FOXN3: variants seen among roughly 807,000 people sequenced by gnomAD.
FOXN3 encodes the protein forkhead box N3.
A neutral mutation model predicts 38.4 loss-of-function variants in FOXN3; 7 were observed. That is an observed-to-expected ratio of 0.18 (90% confidence interval 0.10 to 0.34). FOXN3 has a LOEUF of 0.34. Ranked by LOEUF, FOXN3 falls within the 10% of genes least tolerant of loss-of-function variation. The pLI is 1.00. For synonymous variants in FOXN3, 230 were observed against 242.2 expected (o/e 0.95, Z 0.47); for missense variants, 456 against 613.4 (o/e 0.74, Z 2.71).
intron 3 of FOXN3, among the ~76,000 whole-genome samples, chr14:89,307,674 T>C (rs551312685): frequency 6.6e-6 from 1 of 152,164 alleles, no homozygotes; most frequent in South Asian, 2.1e-4. Flanking sequence ...CCTCTGCTTA[T>C]TCTTGGGAGA....
intron 1 of FOXN3, among the ~76,000 whole-genome samples, chr14:89,536,116 G>A (rs972048714): frequency 3.9e-5 from 6 of 152,164 alleles, no homozygotes; most frequent in Admixed American, 1.3e-4. Flanking sequence ...TAAAGCCACC[G>A]GCAAGATGTT....
At chr14:89,172,013 T>C (rs192475584) in intron 5 of FOXN3, among the ~76,000 whole-genome samples, 2 of 152,168 alleles carry the variant, frequency 1.3e-5, no homozygotes, top group Admixed American at 1.3e-4. Context: ...GCAAGGTTGC[T>C]GGAAAAAAAT....
At chr14:89,416,498 C>T (rs1596263198) in intron 1 of FOXN3, among the ~76,000 whole-genome samples, 1 of 152,074 alleles carries the variant, frequency 6.6e-6, no homozygotes, top group Non-Finnish European at 1.5e-5. Flanking sequence ...ACAGTTTGGC[C>T]GGGGGGTGAT....
chr14:89,270,200 T>C (rs987405928), intron 4 of FOXN3, among the ~76,000 whole-genome samples: 2 of 152,226 alleles, frequency 1.3e-5, no homozygotes, highest in Non-Finnish European at 2.9e-5. Context: ...ACTCCTTCCA[T>C]GGCCATCCTG....
At chr14:89,374,198 A>C (rs995907491) in intron 2 of FOXN3, among the ~76,000 whole-genome samples, 4 of 128,810 alleles carry the variant, frequency 3.1e-5, no homozygotes, top group African/African-American at 1.1e-4. Flanking sequence ...CAGAATGTCG[A>C]GGCTGCAGTG....
intron 4 of FOXN3, among the ~76,000 whole-genome samples, chr14:89,269,987 AC>A (rs1379381918): frequency 1.3e-5 from 2 of 151,584 alleles, no homozygotes; most frequent in Non-Finnish European, 2.9e-5. Flanking sequence ...CTTTTGGAAA[AC>A]CCTCCATGTC....
At chr14:89,286,357 C>T (rs896776148) in intron 3 of FOXN3, among the ~76,000 whole-genome samples, 2 of 151,978 alleles carry the variant, frequency 1.3e-5, no homozygotes, top group African/African-American at 2.4e-5. Flanking sequence ...CCACAGCACA[C>T]GACAAAGCAG....
chr14:89,258,810 G>A (rs1311214905), intron 4 of FOXN3, among the ~76,000 whole-genome samples: 1 of 152,150 alleles, frequency 6.6e-6, no homozygotes, highest in Admixed American at 6.5e-5. Flanking sequence ...TCTCCCTTGG[G>A]AATGTGCCCA....
At chr14:89,491,199 C>T (rs1029436182) in intron 1 of FOXN3, among the ~76,000 whole-genome samples, 2 of 151,884 alleles carry the variant, frequency 1.3e-5, no homozygotes, top group African/African-American at 4.8e-5. Context: ...TGGTCTCGAA[C>T]TCCCGACCTC....
chr14:89,258,393 C>A (rs559113945), intron 4 of FOXN3, among the ~76,000 whole-genome samples: 1 of 152,286 alleles, frequency 6.6e-6, no homozygotes, highest in Admixed American at 6.5e-5. Context: ...GAGTAAATCA[C>A]TGTCACTGAT....
chr14:89,257,030 T>G (rs1368299208), intron 4 of FOXN3, among the ~76,000 whole-genome samples: 1 of 152,244 alleles, frequency 6.6e-6, no homozygotes, highest in Admixed American at 6.5e-5. Context: ...CAGTTATTTT[T>G]GGGCAGAGAA....
chr14:89,511,247 T>TTTCCTTC (rs1156999685), intron 1 of FOXN3, among the ~76,000 whole-genome samples: 1 of 11,270 alleles, frequency 8.9e-5, no homozygotes, highest in African/African-American at 1.5e-4. Flanking sequence ...CTTTTCTTTC[T>TTTCCTTC]TTTCTTTCTT....
chr14:89,447,177 C>T (rs1346212638), intron 1 of FOXN3, among the ~76,000 whole-genome samples: 1 of 140,646 alleles, frequency 7.1e-6, no homozygotes, highest in Non-Finnish European at 1.5e-5. Flanking sequence ...GCCTGGACAA[C>T]AAGAGCAAAA....
At chr14:89,490,590 T>C (rs142126507) in intron 1 of FOXN3, among the ~76,000 whole-genome samples, 18 of 152,308 alleles carry the variant, frequency 1.2e-4, no homozygotes, top group African/African-American at 4.3e-4. Flanking sequence ...CTCCCTGAGG[T>C]TCCTTCTGGC....
intron 3 of FOXN3, among the ~76,000 whole-genome samples, chr14:89,306,348 AC>A (rs1887373919): frequency 1.3e-5 from 2 of 150,066 alleles, no homozygotes; most frequent in Admixed American, 1.3e-4. Flanking sequence ...ACACACACAC[AC>A]ACACACTTTG....
intron 4 of FOXN3, among the ~76,000 whole-genome samples, chr14:89,276,261 C>T (rs564242956): frequency 6.6e-6 from 1 of 152,154 alleles, no homozygotes; most frequent in Admixed American, 6.5e-5. Flanking sequence ...GCCTGGGCGA[C>T]AAGAGCAAGA....
chr14:89,458,456 GCATGCGGGTAATC>G (rs771851063), intron 1 of FOXN3, among the ~76,000 whole-genome samples: 1 of 152,178 alleles, frequency 6.6e-6, no homozygotes, highest in Non-Finnish European at 1.5e-5. Context: ...TCAAAACTCA[GCATGCGGGTAATC>G]CATGGACGCC....
chr14:89,429,745 G>A (rs1033569367), intron 1 of FOXN3, among the ~76,000 whole-genome samples: 5 of 152,194 alleles, frequency 3.3e-5, no homozygotes, highest in Non-Finnish European at 7.3e-5. Context: ...GAAGGCTCGA[G>A]TAATGACAAC....
intron 1 of FOXN3, among the ~76,000 whole-genome samples, chr14:89,557,843 T>C (rs529842808): frequency 6.6e-6 from 1 of 152,030 alleles, no homozygotes; most frequent in African/African-American, 2.4e-5. Flanking sequence ...CCATCTCTAG[T>C]AAAAATACAA....
Sources: allele counts gnomAD v4.1 joint callset (sites outside exome capture counted in the v4.1 genomes callset), GRCh38; gene constraint gnomAD v4.1.1; transcripts MANE v1.5; gene names NCBI Gene and HGNC (gene_info 2026-07-23, HGNC 2026-07-21).